SCMH1: variants seen among roughly 807,000 people sequenced by gnomAD.
The protein encoded by SCMH1 is polycomb protein SCMH1.
SCMH1 carries 37 observed loss-of-function variants against 70.8 expected under a neutral mutation model. The ratio of observed to expected loss-of-function variants is 0.52; its 90% confidence interval spans 0.40 to 0.69. The LOEUF (loss-of-function observed/expected upper bound fraction) is 0.69, where lower values mean the gene tolerates loss of function less well. SCMH1 is among the 30% of genes least tolerant of loss of function. The pLI, the probability that SCMH1 is intolerant of heterozygous loss-of-function variation, is 0.00. For missense variants in SCMH1, 607 were observed against 827.3 expected, an observed-to-expected ratio of 0.73 and a Z score of 3.27; for synonymous variants, 292 against 307.4, an observed-to-expected ratio of 0.95 and a Z score of 0.52.
At chr1:41,153,125 C>T (rs938779702) in intron 4 of SCMH1, among the ~76,000 whole-genome samples, 3 of 152,160 alleles carry the variant, frequency 2.0e-5, no homozygotes, top group African/African-American at 4.8e-5. Context: ...ATTATTCCAT[C>T]CTTACAAATG....
chr1:41,158,522 T>C lies in SCMH1; in HGVS notation c.106+2353A>G, dbSNP rs572981970. 5.8e-4 allele frequency among the ~76,000 whole-genome samples: 89 copies of C among 152,326 alleles called. 1 individual carries two copies. Among genetic ancestry groups the C allele is most frequent in the African/African-American group, 2.1e-3 (86 of 41,570 alleles). ...GTTTCAGACAGAAAGAAAGGCATTA[T>C]AAAGGCCCAGACATGAGAAAAAGCA... On this transcript the variant is annotated intron_variant, in intron 4 of 14. Transcript: ENST00000337495.
In SCMH1 at chr1:41,089,794, T is replaced by TTTTTTTTTTTTTTTTC. The variant is rs1662846632; in HGVS notation, c.746-14344_746-14343insGAAAAAAAAAAAAAAA. 1.7e-5 allele frequency among the ~76,000 whole-genome samples: 2 copies of TTTTTTTTTTTTTTTTC among 116,294 alleles called. 1 individual carries two copies. Among genetic ancestry groups the TTTTTTTTTTTTTTTTC allele is most frequent in the Non-Finnish European group, 3.4e-5 (2 of 58,304 alleles). 76.3% of individuals were successfully genotyped at this position (116,294 alleles called of 152,430 possible). A position where few individuals can be genotyped will look rare whatever the true frequency, so the allele number is the denominator to read the frequency against. On this transcript the variant is annotated intron_variant, in intron 8 of 14. Coordinates refer to ENST00000337495, the Ensembl canonical transcript of SCMH1. ...ACTCTAACCATGTTGTCTCTTTTTT[T>TTTTTTTTTTTTTTTTC]TTTTTTTTTTTTTTTGAGACAGAGT...
At chr1:41,031,928 A>G (rs2148511931) in intron 13 of SCMH1, among the ~76,000 whole-genome samples, 1 of 152,142 alleles carries the variant, frequency 6.6e-6, no homozygotes, top group African/African-American at 2.4e-5. Flanking sequence ...ACCCCTCCCT[A>G]CCCACATGAT....
At chr1:41,172,194 A>AC (rs1460914631) in intron 2 of SCMH1, among the ~76,000 whole-genome samples, 2 of 151,940 alleles carry the variant, frequency 1.3e-5, no homozygotes, top group Non-Finnish European at 2.9e-5. Context: ...CAAAAAAAAA[A>AC]AAAAAAACGC....
intron 1 of SCMH1, among the ~76,000 whole-genome samples, chr1:41,228,908 T>C (rs556520509): frequency 6.6e-6 from 1 of 152,144 alleles, no homozygotes; most frequent in East Asian, 1.9e-4. Context: ...AGAAGAGAGA[T>C]GACAGAAGCT....
chr1:41,187,825 A>AT (rs1420844986), intron 1 of SCMH1, among the ~76,000 whole-genome samples: 5 of 148,728 alleles, frequency 3.4e-5, no homozygotes, highest in African/African-American at 1.2e-4. Context: ...AAAAAAAAAA[A>AT]AATATAAAAA....
At chr1:41,144,297 A>G (rs1644360483) in intron 5 of SCMH1, among the ~76,000 whole-genome samples, 1 of 152,014 alleles carries the variant, frequency 6.6e-6, no homozygotes. Flanking sequence ...CCATTAATCT[A>G]CTTTCTGTTT....
intron 6 of SCMH1, among the ~76,000 whole-genome samples, chr1:41,118,021 T>A (rs1670982307): frequency 6.6e-6 from 1 of 152,082 alleles, no homozygotes; most frequent in Non-Finnish European, 1.5e-5. Flanking sequence ...CTCTCTTGTC[T>A]CCGCACACAG....
Position 41,152,498 on chromosome 1 carries a change from T to C in SCMH1, c.107-814A>G, listed in dbSNP as rs1041762105. On this transcript the variant is annotated intron_variant, in intron 4 of 14. Transcript: ENST00000337495. ...TGTGCTGGGGGAAGGGAAAACATCT[T>C]AAGGCAGGAACATTTGATACAGACC... 1.1e-5 allele frequency: 14 copies of C among 1,277,724 alleles called. No homozygotes were observed. The African/African-American group carries it at 1.6e-4, about 15-fold the overall frequency. The allele number at this position is 1,277,724 out of a possible 1,614,324, so 79.1% of individuals were successfully genotyped here. A position where few individuals can be genotyped will look rare whatever the true frequency, so the allele number is the denominator to read the frequency against.
intron 6 of SCMH1, among the ~76,000 whole-genome samples, chr1:41,134,089 T>C (rs891118414): frequency 6.6e-6 from 1 of 152,042 alleles, no homozygotes; most frequent in African/African-American, 2.4e-5. Flanking sequence ...TCCACAACAA[T>C]CAAGTCGGCT....
intron 7 of SCMH1, among the ~76,000 whole-genome samples, chr1:41,114,328 A>C (rs1301973105): frequency 2.6e-5 from 4 of 152,210 alleles, no homozygotes; most frequent in African/African-American, 9.7e-5. Context: ...AGTTACATAG[A>C]TCAAGTTTCA....
intron 11 of SCMH1, among the ~76,000 whole-genome samples, chr1:41,048,144 A>G (rs1571455121): frequency 6.6e-6 from 1 of 152,338 alleles, no homozygotes; most frequent in East Asian, 1.9e-4. Context: ...CTGAAACAGA[A>G]TCAGGACACA....
At chr1:41,164,429 C>T (rs1054721254) in intron 2 of SCMH1, among the ~76,000 whole-genome samples, 5 of 111,082 alleles carry the variant, frequency 4.5e-5, no homozygotes, top group African/African-American at 1.2e-4. Context: ...CCCAACTTCA[C>T]TCTTAGGGGA....
At chr1:41,207,302 G>A (rs570952717) in intron 1 of SCMH1, among the ~76,000 whole-genome samples, 12 of 152,162 alleles carry the variant, frequency 7.9e-5, no homozygotes, top group East Asian at 7.7e-4. Flanking sequence ...CCCATCTCAC[G>A]TGCAGAGACA....
chr1:41,170,987 A>G (rs565977111), intron 2 of SCMH1, among the ~76,000 whole-genome samples: 3 of 152,352 alleles, frequency 2.0e-5, no homozygotes, highest in African/African-American at 7.2e-5. Context: ...ACAGAAGGCC[A>G]TCCTCTGTCA....
intron 8 of SCMH1, among the ~76,000 whole-genome samples, chr1:41,085,376 G>A (rs1661307158): frequency 6.6e-6 from 1 of 152,084 alleles, no homozygotes; most frequent in Non-Finnish European, 1.5e-5. Context: ...TGATTAACAT[G>A]ATAATACATA....
intron 2 of SCMH1, among the ~76,000 whole-genome samples, chr1:41,176,180 CA>C (rs546977052): frequency 7.0e-5 from 5 of 71,260 alleles, no homozygotes; most frequent in Non-Finnish European, 1.2e-4. Flanking sequence ...AAAAAAAAAC[CA>C]AAAAAAACAA....
At chr1:41,213,614 C>A (rs929900399) in intron 1 of SCMH1, among the ~76,000 whole-genome samples, 1 of 152,024 alleles carries the variant, frequency 6.6e-6, no homozygotes, top group African/African-American at 2.4e-5. Flanking sequence ...TCTAAATTAC[C>A]CCCCATTTAT....
At chr1:41,211,340 T>C (rs1230614531) in intron 1 of SCMH1, among the ~76,000 whole-genome samples, 2 of 151,922 alleles carry the variant, frequency 1.3e-5, no homozygotes, top group African/African-American at 4.8e-5. Context: ...AACAACCCCA[T>C]CAAAAAGTGG....
Sources: gnomAD v4.1 joint callset for allele counts (sites outside exome capture counted in the v4.1 genomes callset) on GRCh38, gnomAD v4.1.1 for gene constraint, MANE v1.5 for transcripts, NCBI Gene and HGNC (gene_info 2026-07-23, HGNC 2026-07-21) for gene names.